DPH6: variants seen among roughly 807,000 people sequenced by gnomAD.
DPH6 encodes diphthamine biosynthesis 6.
A neutral mutation model predicts 38.2 loss-of-function variants in DPH6; 33 were observed. That is an observed-to-expected ratio of 0.86 (90% confidence interval 0.65 to 1.15). DPH6 has a LOEUF of 1.15. Ranked by LOEUF, DPH6 falls within the 50% of genes most tolerant of loss-of-function variation. The probability of loss-of-function intolerance (pLI) is 0.00; values close to 1 mark genes in which losing one functional copy is unlikely to be tolerated. For synonymous variants in DPH6, 108 were observed against 103.0 expected, an observed-to-expected ratio of 1.05 and a Z score of -0.30; for missense variants, 325 against 320.0, an observed-to-expected ratio of 1.02 and a Z score of -0.12.
chr15:35,521,482 T>A, intron 3 of DPH6: 17 of 1,204,624 alleles, frequency 1.4e-5, no homozygotes, highest in Non-Finnish European at 1.8e-5. Context: ...ACAAAATTAA[T>A]GCTTACAACA....
chr15:35,317,847 A>G (rs1375148349), intron 3 of DPH6, among the ~76,000 whole-genome samples: 1 of 152,162 alleles, frequency 6.6e-6, no homozygotes, highest in Non-Finnish European at 1.5e-5. Context: ...CTGAAAAGTT[A>G]TATTACGTTG....
At chr15:35,471,617 A>T (rs980328419) in intron 3 of DPH6, among the ~76,000 whole-genome samples, 3 of 152,030 alleles carry the variant, frequency 2.0e-5, no homozygotes, top group Non-Finnish European at 2.9e-5. Context: ...CTTTGTTCTT[A>T]CTCTTCGTTC....
At chr15:35,504,225 C>A (rs2054665066) in intron 3 of DPH6, among the ~76,000 whole-genome samples, 2 of 151,978 alleles carry the variant, frequency 1.3e-5, no homozygotes, top group African/African-American at 4.8e-5. Flanking sequence ...ACACAAGGCT[C>A]TTCACAACCT....
At chr15:35,321,122 A>G (rs1309927038) in intron 3 of DPH6, among the ~76,000 whole-genome samples, 1 of 152,262 alleles carries the variant, frequency 6.6e-6, no homozygotes, top group African/African-American at 2.4e-5. Flanking sequence ...CCTACATTTT[A>G]GCAGAGTTCA....
chr15:35,546,021 G>A, intron 1 of DPH6, 98 bp downstream of exon 1: 2 of 1,125,232 alleles, frequency 1.8e-6, no homozygotes, highest in Non-Finnish European at 2.3e-6. Flanking sequence ...CCCAACGCGC[G>A]ACTCAGACGG....
chr15:35,279,064 A>ATATAT (rs1334725926), intron 3 of DPH6, among the ~76,000 whole-genome samples: 81 of 124,012 alleles, frequency 6.5e-4, no homozygotes, highest in East Asian at 3.1e-3. Context: ...AAAAAAAAAA[A>ATATAT]AAAAATATAT....
chr15:35,295,087 C>T (rs947927384), intron 3 of DPH6, among the ~76,000 whole-genome samples: 2 of 152,160 alleles, frequency 1.3e-5, no homozygotes, highest in African/African-American at 4.8e-5. Context: ...AACGATCTCA[C>T]CTCTACGAAC....
intron 5 of DPH6, among the ~76,000 whole-genome samples, chr15:35,440,529 T>C (rs185661859): frequency 6.6e-6 from 1 of 152,330 alleles, no homozygotes; most frequent in Admixed American, 6.5e-5. Flanking sequence ...TCTGATTCTG[T>C]CTTCCCAAAA....
intron 3 of DPH6, among the ~76,000 whole-genome samples, chr15:35,267,376 C>G (rs1270547065): frequency 6.6e-6 from 1 of 152,178 alleles, no homozygotes; most frequent in Non-Finnish European, 1.5e-5. Context: ...GGACTGAGGC[C>G]TTCTTGGTTC....
intron 5 of DPH6, among the ~76,000 whole-genome samples, chr15:35,435,860 G>A (rs1022098224): frequency 1.3e-5 from 2 of 152,054 alleles, no homozygotes; most frequent in African/African-American, 4.8e-5. Flanking sequence ...TGAGGGTAGA[G>A]GAAACTGTGG....
intron 5 of DPH6, among the ~76,000 whole-genome samples, chr15:35,423,275 T>G (rs2053528822): frequency 6.6e-6 from 1 of 151,922 alleles, no homozygotes; most frequent in African/African-American, 2.4e-5. Context: ...TGGTTTTGAT[T>G]GGCATTTCCC....
rs1345858641 is a variant in DPH6, at chr15:35,371,892, A to G, written c.*258T>C. The G allele has an allele frequency of 8.9e-7, 1 of 1,126,704 alleles. No individual in the cohort carries two copies. Among genetic ancestry groups the G allele is most frequent in the African/African-American group, 1.6e-5 (1 of 60,684 alleles). The allele number at this position is 1,126,704 out of a possible 1,614,324, so 69.8% of individuals were successfully genotyped here. ...ATGGGGTTTATAGATGAAATAAAAG[A>G]AAAAAAAGGTCATAGGGAAGATGTG... On this transcript the variant is annotated 3_prime_UTR_variant, in exon 9 of 9. Coordinates refer to ENST00000256538, the MANE Select transcript of DPH6 (RefSeq NM_080650.4).
chr15:35,521,681 T>C (rs775135515), intron 3 of DPH6: 18 of 1,230,838 alleles, frequency 1.5e-5, no homozygotes, highest in Admixed American at 1.3e-4. Context: ...TAGTTTACTA[T>C]TGAAGAAGAG....
At chr15:35,206,714 G>A in the DPH6 span, among the ~76,000 whole-genome samples, 44 of 152,196 alleles carry the variant, frequency 2.9e-4, no homozygotes, top group South Asian at 8.7e-3. Flanking sequence ...ATGATTAAAT[G>A]GATACATGGT....
intron 3 of DPH6, among the ~76,000 whole-genome samples, chr15:35,333,093 TAA>T (rs34059551): frequency 7.6e-4 from 106 of 139,990 alleles, no homozygotes; most frequent in East Asian, 8.2e-4. Flanking sequence ...ATCAGGAAGC[TAA>T]AAAAAAAAAA....
chr15:35,444,655 T>C (rs766773812), intron 5 of DPH6, among the ~76,000 whole-genome samples: 9 of 152,192 alleles, frequency 5.9e-5, no homozygotes, highest in Non-Finnish European at 1.3e-4. Flanking sequence ...CATAAGAGTA[T>C]AAGCCCTCTT....
chr15:35,521,127 T>C (rs772424004), intron 3 of DPH6: 157 of 985,138 alleles, frequency 1.6e-4, no homozygotes, highest in Non-Finnish European at 1.8e-4. Context: ...AATGCTAAAG[T>C]GGCTAGTACT....
chr15:35,255,272 T>C (rs1381189426), intron 3 of DPH6, among the ~76,000 whole-genome samples: 1 of 152,208 alleles, frequency 6.6e-6, no homozygotes, highest in Non-Finnish European at 1.5e-5. Context: ...AAAGTAATCC[T>C]GCACTGGAGC....
downstream of DPH6, among the ~76,000 whole-genome samples, chr15:35,369,777 A>G (rs2052694501): frequency 6.6e-6 from 1 of 151,878 alleles, no homozygotes; most frequent in Admixed American, 6.6e-5. Flanking sequence ...ATGGATAAAA[A>G]GACTCAATAT....
Sources: allele counts gnomAD v4.1 joint callset (sites outside exome capture counted in the v4.1 genomes callset), GRCh38; gene constraint gnomAD v4.1.1; transcripts MANE v1.5; gene names NCBI Gene and HGNC (gene_info 2026-07-23, HGNC 2026-07-21).